The following PRICKLE1 variants were observed in gnomAD, a reference collection of about 807,000 sequenced individuals.
The protein encoded by PRICKLE1 is prickle planar cell polarity protein 1, also known as prickle-like protein 1.
In PRICKLE1, 14 loss-of-function variants were observed where a neutral mutation model predicts 70.2. That is an observed-to-expected ratio of 0.20 (90% CI 0.13 to 0.31). The LOEUF (loss-of-function observed/expected upper bound fraction) is 0.31. PRICKLE1 is among the 10% of genes least tolerant of loss of function. The pLI, the probability that PRICKLE1 is intolerant of heterozygous loss-of-function variation, is 1.00. For synonymous variants in PRICKLE1, 357 were observed against 379.9 expected (o/e 0.94, Z 0.70); for missense variants, 821 against 1,026.2 (o/e 0.80, Z 2.73).
chr12:42,579,327 C>T (rs1045900515), intron 1 of PRICKLE1, among the ~76,000 whole-genome samples: 1 of 152,160 alleles, frequency 6.6e-6, no homozygotes, highest in Admixed American at 6.5e-5. Flanking sequence ...TGTGATTTCA[C>T]ATGTCTTTTT....
intron 1 of PRICKLE1, among the ~76,000 whole-genome samples, chr12:42,536,812 A>G (rs1033787681): frequency 1.3e-5 from 2 of 152,130 alleles, no homozygotes; most frequent in African/African-American, 4.8e-5. Context: ...TTCATCTTGA[A>G]GAGCTTTTCT....
intron 1 of PRICKLE1, among the ~76,000 whole-genome samples, chr12:42,572,661 A>AAT (rs988166103): frequency 7.3e-5 from 11 of 150,870 alleles, no homozygotes; most frequent in African/African-American, 2.2e-4. Flanking sequence ...CATCTCTACA[A>AAT]ATATATATAT....
chr12:42,491,363 G>C lies in PRICKLE1; in HGVS notation c.-48-18799C>G, dbSNP rs916624187. 1.5e-4 allele frequency among the ~76,000 whole-genome samples: 23 copies of C among 150,178 alleles called. 1 individual carries two copies. The highest frequency in any genetic ancestry group is 5.6e-4 in the African/African-American group (23 of 40,970). ...AGGTCAGGAGTTCAAGACCAGCCTGGCCAACATGGTGAAACCCCATTTCTA... is the reference window on the plus strand; with the variant it reads ...AGGTCAGGAGTTCAAGACCAGCCTGCCCAACATGGTGAAACCCCATTTCTA... On this transcript the variant is annotated intron_variant, in intron 1 of 7. Transcript: ENST00000345127.
At chr12:42,475,238 G>A (rs913098187) in intron 1 of PRICKLE1, among the ~76,000 whole-genome samples, 12 of 152,210 alleles carry the variant, frequency 7.9e-5, no homozygotes, top group African/African-American at 2.7e-4. Flanking sequence ...TGAAGGACAT[G>A]AGTGACAATA....
intron 1 of PRICKLE1, among the ~76,000 whole-genome samples, chr12:42,578,482 C>A (rs1022038379): frequency 2.6e-5 from 4 of 151,972 alleles, no homozygotes; most frequent in Non-Finnish European, 5.9e-5. Flanking sequence ...AATATAGCAT[C>A]CCTTTGCTAG....
chr12:42,462,354 C>T (rs930559956), intron 7 of PRICKLE1, among the ~76,000 whole-genome samples: 11 of 152,030 alleles, frequency 7.2e-5, no homozygotes, highest in African/African-American at 4.8e-5. Flanking sequence ...GCACATGCCA[C>T]CATGCCTGGC....
In PRICKLE1 at chr12:42,531,043, CTTTTTTTTT is replaced by C. The variant is rs141334021; in HGVS notation, c.-49+58413_-49+58421del. Among the ~76,000 whole-genome samples, 143 of 100,134 alleles carry C rather than the reference CTTTTTTTTT, an allele frequency of 1.4e-3. 1 individual carries two copies. The highest frequency in any genetic ancestry group is 5.7e-3 in the African/African-American group (138 of 24,154). The allele number at this position is 100,134 out of a possible 152,430, so 65.7% of individuals were successfully genotyped here. On this transcript the variant is annotated intron_variant, in intron 1 of 7. Coordinates refer to ENST00000345127, the MANE Select transcript of PRICKLE1 (RefSeq NM_153026.3). Reference sequence around the variant, plus strand: ...GCCCTATTGCTAAAGATGTTAAGGGCTTTTTTTTTTTTTTTTTTTTTTTGACGGAGTCTC... The same window carrying C: ...GCCCTATTGCTAAAGATGTTAAGGGCTTTTTTTTTTTTTTGACGGAGTCTC...
At chr12:42,490,983 T>G (rs906739882) in intron 1 of PRICKLE1, among the ~76,000 whole-genome samples, 2 of 151,946 alleles carry the variant, frequency 1.3e-5, no homozygotes, top group Non-Finnish European at 2.9e-5. Flanking sequence ...AATTTTCTTG[T>G]CTCAGCCTCC....
At chr12:42,473,188 C>G (rs933840648) in intron 1 of PRICKLE1, among the ~76,000 whole-genome samples, 4 of 152,220 alleles carry the variant, frequency 2.6e-5, no homozygotes, top group Admixed American at 2.6e-4. Flanking sequence ...AATCCTCAAG[C>G]CTTTACTAAG....
rs1207756868 is a variant in PRICKLE1 at position 42,499,576 on chromosome 12, A to C, written c.-48-27012T>G. Among the ~76,000 whole-genome samples the C allele has an allele frequency of 2.6e-5, 4 of 151,878 alleles. No homozygotes were observed. In the South Asian group the frequency reaches 6.2e-4, roughly 24 times the overall value. ...GCTGGGACTATAAGCACATGCCACC[A>C]CACCCGGCTCATTTTTGTATTTTTA... On this transcript the variant is annotated intron_variant, in intron 1 of 7. Transcript: ENST00000345127.
intron 1 of PRICKLE1, among the ~76,000 whole-genome samples, chr12:42,498,690 C>T (rs1003829670): frequency 1.3e-5 from 2 of 152,196 alleles, no homozygotes; most frequent in African/African-American, 4.8e-5. Context: ...AGACTCTTTA[C>T]AAAGAAGCCC....
intron 1 of PRICKLE1, among the ~76,000 whole-genome samples, chr12:42,571,056 G>T (rs1371165531): frequency 6.6e-6 from 1 of 152,024 alleles, no homozygotes; most frequent in East Asian, 1.9e-4. Context: ...TTGACCCAAA[G>T]GTTGTCTTAA....
chr12:42,536,309 C>T (rs1207956612), intron 1 of PRICKLE1, among the ~76,000 whole-genome samples: 5 of 152,274 alleles, frequency 3.3e-5, no homozygotes, highest in Middle Eastern at 3.4e-3. Context: ...TAAGGAGGGA[C>T]ACCACAAAAC....
At chr12:42,527,561 A>C (rs1939827797) in intron 1 of PRICKLE1, among the ~76,000 whole-genome samples, 1 of 152,180 alleles carries the variant, frequency 6.6e-6, no homozygotes, top group South Asian at 2.1e-4. Context: ...CCATTTCATG[A>C]CAAGGCCAAT....
At chr12:42,556,636 A>G (rs1940417147) in intron 1 of PRICKLE1, among the ~76,000 whole-genome samples, 1 of 152,200 alleles carries the variant, frequency 6.6e-6, no homozygotes, top group Admixed American at 6.5e-5. Context: ...ATGAATCTTT[A>G]TTAAGTGACT....
intron 1 of PRICKLE1, among the ~76,000 whole-genome samples, chr12:42,564,078 G>A (rs933630450): frequency 6.6e-6 from 1 of 151,672 alleles, no homozygotes; most frequent in African/African-American, 2.4e-5. Flanking sequence ...CCAACATGGT[G>A]AAACCCCGTC....
rs117180187 is a variant in PRICKLE1, at chr12:42,572,099, A to G, written c.-49+17366T>C. On this transcript the variant is annotated intron_variant, in intron 1 of 7. Transcript: ENST00000345127. ...ATTATTAATATCCCAGATGATCTTC[A>G]TCTCTACTTTGGAACATTTAAGCAC... Among the ~76,000 whole-genome samples the G allele has an allele frequency of 4.1e-3, 624 of 152,258 alleles. 9 individuals carry two copies. In the South Asian group the frequency reaches 0.044, roughly 11 times the overall value.
chr12:42,523,330 C>A (rs1324748057), intron 1 of PRICKLE1, among the ~76,000 whole-genome samples: 3 of 152,174 alleles, frequency 2.0e-5, no homozygotes, highest in African/African-American at 7.2e-5. Context: ...CCAAGATGCT[C>A]ATTTTCTGAA....
In PRICKLE1 at chr12:42,464,057, C is replaced by G. The variant is rs1472223017; in HGVS notation, c.1639+338G>C. On this transcript the variant is annotated intron_variant, in intron 7 of 7. Transcript: ENST00000345127. This position sits in a 1 kb window ranked among gnomAD's most constrained non-coding sequence, Gnocchi z 4.2. ...ATTTTTTTTTTTTTTGAGATGGAGT[C>G]TTGCTCTGTTGCCCAGGCTGGAGTG... Among the ~76,000 whole-genome samples the G allele has an allele frequency of 2.0e-5, 3 of 150,866 alleles. No individual in the cohort carries two copies. Among genetic ancestry groups the G allele is most frequent in the Non-Finnish European group, 1.5e-5 (1 of 67,844 alleles).
Sources: gnomAD v4.1 joint callset for allele counts (sites outside exome capture counted in the v4.1 genomes callset) on GRCh38, gnomAD v4.1.1 for gene constraint, Gnocchi (gnomAD v3.1) non-coding constraint, MANE v1.5 for transcripts, NCBI Gene and HGNC (gene_info 2026-07-23, HGNC 2026-07-21) for gene names.